Variants in ARHGEF4 observed in about 807,000 individuals in gnomAD.
ARHGEF4 encodes APC-stimulated guanine nucleotide exchange factor 1.
A neutral mutation model predicts 162.0 loss-of-function variants in ARHGEF4; 119 were observed. That is an observed-to-expected ratio of 0.73 (90% CI 0.63 to 0.86). The LOEUF (loss-of-function observed/expected upper bound fraction) is 0.86, where lower values mean the gene tolerates loss of function less well. ARHGEF4 is among the 40% of genes least tolerant of loss of function. ARHGEF4 has a pLI of 0.00. For synonymous variants in ARHGEF4, 1,014 were observed against 979.9 expected (o/e 1.03, Z -0.65); for missense variants, 2,488 against 2,456.0 (o/e 1.01, Z -0.28).
rs971512284 is a variant in ARHGEF4 at position 130,883,726 on chromosome 2, G to GTGCCCTC, written c.40-30257_40-30251dup. Among the ~76,000 whole-genome samples, 115 of 152,154 alleles carry GTGCCCTC rather than the reference G, an allele frequency of 7.6e-4. 1 individual carries two copies. The highest frequency in any genetic ancestry group is 2.7e-3 in the African/African-American group (110 of 41,444). ...CAGTGAATGATGGCACGTGGGTTGA[G>GTGCCCTC]TGCCCTCTGATGCAGCCGTGGGCAC... is the stretch of plus-strand genomic sequence containing the variant. On this transcript the variant is annotated intron_variant, in intron 1 of 13. Transcript: ENST00000409359.
intron 2 of ARHGEF4, among the ~76,000 whole-genome samples, chr2:130,923,033 C>G (rs937313018): frequency 6.6e-6 from 1 of 151,978 alleles, no homozygotes; most frequent in Non-Finnish European, 1.5e-5. Flanking sequence ...CGGGTTCAAG[C>G]AATTCTCCTG....
chr2:130,932,620 A>G (rs998130525), intron 3 of ARHGEF4, among the ~76,000 whole-genome samples: 1 of 152,196 alleles, frequency 6.6e-6, no homozygotes, highest in South Asian at 2.1e-4. Flanking sequence ...CCATTGATGC[A>G]TAAGTACTTA....
At chr2:130,917,551 GA>G in intron 2 of ARHGEF4, 53 bp downstream of exon 2, 2 of 1,488,426 alleles carry the variant, frequency 1.3e-6, no homozygotes, top group Admixed American at 2.4e-5. Context: ...GCAAGAGAAG[GA>G]GGGGAGCAGG....
chr2:131,013,590 T>A (rs1259874223), intron 4 of ARHGEF4, among the ~76,000 whole-genome samples: 3 of 152,224 alleles, frequency 2.0e-5, no homozygotes, highest in East Asian at 1.9e-4. Context: ...AATTTGTTTG[T>A]TTGATTGATT....
chr2:131,012,344 G>A (rs1473347779), intron 4 of ARHGEF4, among the ~76,000 whole-genome samples: 2 of 152,188 alleles, frequency 1.3e-5, no homozygotes, highest in Admixed American at 1.3e-4. Flanking sequence ...CGGGGCAGGT[G>A]TCACTTCTTT....
chr2:130,889,532 G>C (rs1474538883), intron 1 of ARHGEF4, among the ~76,000 whole-genome samples: 4 of 152,038 alleles, frequency 2.6e-5, no homozygotes, highest in South Asian at 2.1e-4. Flanking sequence ...GTACTTACAG[G>C]CTGGGCGTGG....
rs564191380 is a variant in ARHGEF4, at chr2:131,039,260, T to G, written c.4305+228T>G. 5.4e-6 allele frequency: 7 copies of G among 1,295,450 alleles called. No homozygotes were observed. In the East Asian group the frequency reaches 1.9e-4, roughly 35 times the overall value. 80.2% of individuals were successfully genotyped at this position (1,295,450 alleles called of 1,614,324 possible). On this transcript the variant is annotated intron_variant, in intron 6 of 13. Coordinates refer to ENST00000409359, the MANE Select transcript of ARHGEF4 (RefSeq NM_001367493.1). ...GCCAGAGAGGAGAGCAGTCGAGAAA[T>G]GAGTGTGTGCAGACACTAGGCACCC...
intron 1 of ARHGEF4, among the ~76,000 whole-genome samples, chr2:130,877,054 C>G (rs564459539): frequency 4.1e-4 from 63 of 152,242 alleles, no homozygotes; most frequent in African/African-American, 1.4e-3. Flanking sequence ...TATGAGGAAG[C>G]CCTCCATGGT....
rs1681513605 is a variant in ARHGEF4, at chr2:130,916,593, C to T, written c.2647C>T (p.Leu883Phe). 4 of 1,550,532 alleles carry T rather than the reference C, an allele frequency of 2.6e-6. No homozygotes were observed. The highest frequency in any genetic ancestry group is 2.6e-6 in the Non-Finnish European group (3 of 1,146,962). Residue 883 changes from leucine to phenylalanine, a missense_variant, in exon 2 of 14, where the codon CTT becomes TTT. Transcript: ENST00000409359. ...GGGGCACACGGGGACCTCAGGGGAT[C>T]TTGGTAGCCGAGGGCCTTCCTCTGA... ...GAGHTGTSGD[L>F]GSRGPSSESC... is the part of the protein sequence containing the mutation.
chr2:131,012,319 G>T (rs1243094831), intron 4 of ARHGEF4, among the ~76,000 whole-genome samples: 2 of 152,156 alleles, frequency 1.3e-5, no homozygotes, highest in Non-Finnish European at 2.9e-5. Context: ...GGCCTAGGAG[G>T]CACTTAGAGT....
At chr2:130,845,199 C>T (rs1157433845) in intron 1 of ARHGEF4, among the ~76,000 whole-genome samples, 2 of 151,368 alleles carry the variant, frequency 1.3e-5, no homozygotes, top group Non-Finnish European at 2.9e-5. Flanking sequence ...CCTGATGTTG[C>T]TGGCCGAAGT....
intron 1 of ARHGEF4, among the ~76,000 whole-genome samples, chr2:130,896,776 C>G (rs1443755952): frequency 6.6e-6 from 1 of 152,180 alleles, no homozygotes; most frequent in Non-Finnish European, 1.5e-5. Flanking sequence ...AGAAGTAGGC[C>G]TCTGAGACCT....
intron 4 of ARHGEF4, among the ~76,000 whole-genome samples, chr2:131,007,803 T>C (rs1314487447): frequency 1.7e-5 from 2 of 117,952 alleles, no homozygotes; most frequent in African/African-American, 7.4e-5. Flanking sequence ...TTCTTTTCTT[T>C]TTTTTTTTTT....
Position 130,933,360 on chromosome 2 carries a change from A to T in ARHGEF4, c.3858+2103A>T, listed in dbSNP as rs888096281. Among the ~76,000 whole-genome samples, 17 of 152,148 alleles carry T rather than the reference A, an allele frequency of 1.1e-4. 1 individual carries two copies. The highest frequency in any genetic ancestry group is 9.2e-4 in the Admixed American group (14 of 15,270). On this transcript the variant is annotated intron_variant, in intron 3 of 13. Coordinates refer to ENST00000409359, the MANE Select transcript of ARHGEF4 (RefSeq NM_001367493.1). Reference sequence around the variant, plus strand: ...GTTTTATAATAAGTTTTGAAATTGGAATGTGAGAGTCTTCTTTGTTCTTTT... The same window carrying T: ...GTTTTATAATAAGTTTTGAAATTGGTATGTGAGAGTCTTCTTTGTTCTTTT...
intron 3 of ARHGEF4, among the ~76,000 whole-genome samples, chr2:130,938,257 G>A (rs371515452): frequency 4.0e-4 from 61 of 152,182 alleles, no homozygotes; most frequent in African/African-American, 1.5e-3. Context: ...CATTATTTTC[G>A]AGAGGGCTGT....
At position 130,956,265 on chromosome 2, in the gene ARHGEF4, A is replaced by G. The variant is rs1325951078; in HGVS notation, c.3985+9630A>G. Among the ~76,000 whole-genome samples, 7 of 152,216 alleles carry G rather than the reference A, an allele frequency of 4.6e-5. No individual in the cohort carries two copies. In the East Asian group the frequency reaches 5.8e-4, roughly 13 times the overall value. On this transcript the variant is annotated intron_variant, in intron 4 of 13. Transcript: ENST00000409359. ...CAGAGAAATGCAAATCAAAACCACA[A>G]TGAGATACCATCTCACACCAGTTAG...
rs1242796487 is a variant in ARHGEF4, at chr2:131,045,954, G to A, written c.5480-84G>A. ...ACGGCGGCTCTGAAGCAGAGCCCTG[G>A]GACGGACCCCATGCTGTCCCCAACA... On this transcript the variant is annotated intron_variant, in intron 13 of 13. Transcript: ENST00000409359. 5 of 1,535,132 alleles carry A rather than the reference G, an allele frequency of 3.3e-6. No individual in the cohort carries two copies. The Admixed American group carries it at 7.5e-5, about 23-fold the overall frequency.
intron 1 of ARHGEF4, among the ~76,000 whole-genome samples, chr2:130,856,812 A>AG (rs1681821850): frequency 6.6e-6 from 1 of 152,214 alleles, no homozygotes; most frequent in South Asian, 2.1e-4. Context: ...TTAAAAAAAA[A>AG]GAAATGTAAT....
intron 3 of ARHGEF4, among the ~76,000 whole-genome samples, chr2:130,940,568 C>T (rs1412517898): frequency 2.0e-5 from 3 of 149,700 alleles, no homozygotes; most frequent in South Asian, 2.2e-4. Flanking sequence ...AGGCCGGGCG[C>T]GGTGGCTCAC....
Sources: gnomAD v4.1 joint callset for allele counts (sites outside exome capture counted in the v4.1 genomes callset) on GRCh38, gnomAD v4.1.1 for gene constraint, MANE v1.5 for transcripts, NCBI Gene and HGNC (gene_info 2026-07-23, HGNC 2026-07-21) for gene names.